ANK2: variants seen among roughly 807,000 people sequenced by gnomAD.
The protein encoded by ANK2 is ankyrin-2.
ANK2 carries 83 observed loss-of-function variants against 360.5 expected under a neutral mutation model. The ratio of observed to expected loss-of-function variants is 0.23; its 90% CI spans 0.19 to 0.28. The LOEUF is 0.28. Ranked by LOEUF, ANK2 falls within the 10% of genes least tolerant of loss-of-function variation. The pLI is 1.00. For synonymous variants in ANK2, 1,740 were observed against 1,759.5 expected (o/e 0.99, Z 0.28); for missense variants, 4,201 against 4,795.7 (o/e 0.88, Z 3.66).
chr4:113,084,025 G>A (rs895292323), intron 1 of ANK2, among the ~76,000 whole-genome samples: 1 of 152,108 alleles, frequency 6.6e-6, no homozygotes, highest in Non-Finnish European at 1.5e-5. Flanking sequence ...ATTGTTCGGG[G>A]ACTCAAGTTT....
chr4:113,059,298 T>A (rs145271793), intron 1 of ANK2, among the ~76,000 whole-genome samples: 141 of 152,278 alleles, frequency 9.3e-4, no homozygotes, highest in Non-Finnish European at 1.7e-3. Flanking sequence ...TTCTGTAAAG[T>A]TGACACAGTA....
intron 2 of ANK2, among the ~76,000 whole-genome samples, chr4:113,025,070 C>CT (rs1029502353): frequency 9.9e-5 from 15 of 151,254 alleles, no homozygotes; most frequent in African/African-American, 1.7e-4. Flanking sequence ...ACATGATCAT[C>CT]TTTTTTTTTC....
At chr4:113,141,871 C>G (rs935342487) in intron 1 of ANK2, among the ~76,000 whole-genome samples, 1 of 152,118 alleles carries the variant, frequency 6.6e-6, no homozygotes, top group African/African-American at 2.4e-5. Context: ...TCGCTTTTCT[C>G]TTATGATGGA....
At chr4:112,826,706 GC>G in intron 1 of ANK2, 1 of 846,560 alleles carries the variant, frequency 1.2e-6, no homozygotes, top group Non-Finnish European at 1.9e-6. Context: ...AGAAGACAAT[GC>G]CAGTGAACAC....
At chr4:113,180,339 T>C (rs1584080581) in intron 2 of ANK2, among the ~76,000 whole-genome samples, 1 of 152,346 alleles carries the variant, frequency 6.6e-6, no homozygotes, top group South Asian at 2.1e-4. Flanking sequence ...GTTTTAGGGT[T>C]GTTTTGATGA....
At chr4:112,796,468 A>ACACACC in the ANK2 span, among the ~76,000 whole-genome samples, 4 of 150,426 alleles carry the variant, frequency 2.7e-5, no homozygotes, top group Non-Finnish European at 5.9e-5. Context: ...ATATATATAC[A>ACACACC]CACACACACA....
intron 2 of ANK2, among the ~76,000 whole-genome samples, chr4:112,913,976 T>C (rs1418561852): frequency 6.6e-6 from 1 of 152,218 alleles, no homozygotes; most frequent in African/African-American, 2.4e-5. Context: ...CATCTATAAT[T>C]CTTACTTTCT....
intron 13 of ANK2, among the ~76,000 whole-genome samples, 174 bp from the exon 14 acceptor site, chr4:113,264,722 CA>C (rs11452087): frequency 8.1e-4 from 115 of 141,794 alleles, no homozygotes; most frequent in African/African-American, 1.3e-3. Flanking sequence ...AACTTTGTCT[CA>C]AAAAAAAAAA....
rs893538208 is a variant in ANK2, at chr4:113,382,327, T to C, written c.*856T>C. ...CATGGCTTAGGACTCCAACAGCCAC[T>C]CTGAGGGAGGGGAGAAGGGAGCAGA... On this transcript the variant is annotated 3_prime_UTR_variant, in exon 46 of 46. Coordinates refer to ENST00000357077, the MANE Select transcript of ANK2 (RefSeq NM_001148.6). 1 of 153,592 alleles carries C rather than the reference T, an allele frequency of 6.5e-6. No individual in the cohort carries two copies. Among genetic ancestry groups the C allele is most frequent in the Non-Finnish European group, 1.5e-5 (1 of 68,762 alleles). 9.5% of individuals were successfully genotyped at this position (153,592 alleles called of 1,614,324 possible).
At chr4:112,876,757 T>C (rs551940381) in intron 1 of ANK2, among the ~76,000 whole-genome samples, 2 of 152,240 alleles carry the variant, frequency 1.3e-5, no homozygotes, top group Admixed American at 6.5e-5. Context: ...ATTTTTATCA[T>C]TGCAAGGAAA....
intron 1 of ANK2, among the ~76,000 whole-genome samples, chr4:112,850,502 GTCTTTT>G (rs2064638814): frequency 1.8e-4 from 3 of 16,430 alleles, no homozygotes; most frequent in African/African-American, 8.3e-4. Flanking sequence ...TCCTGTGCTA[GTCTTTT>G]TTTTTTTTTT....
At chr4:112,802,622 A>G in the ANK2 span, among the ~76,000 whole-genome samples, 1 of 152,204 alleles carries the variant, frequency 6.6e-6, no homozygotes, top group Non-Finnish European at 1.5e-5. Context: ...GTTTTTGCAC[A>G]AAGCAACTTA....
intron 9 of ANK2, among the ~76,000 whole-genome samples, chr4:113,244,796 C>T (rs1423035451): frequency 3.3e-5 from 5 of 152,140 alleles, no homozygotes; most frequent in South Asian, 2.1e-4. Context: ...CCCCAGTGTG[C>T]GATGTTCCCC....
rs146030922 is a variant in ANK2 at position 113,076,302 on chromosome 4, G to A, written c.84+26490G>A. Among the ~76,000 whole-genome samples the A allele has an allele frequency of 4.6e-3, 698 of 152,344 alleles. 4 individuals are homozygous for A. The highest frequency in any genetic ancestry group is 7.8e-3 in the Non-Finnish European group (530 of 68,032). On this transcript the variant is annotated intron_variant, in intron 1 of 45. Transcript: ENST00000357077. ...ATCCTTGGCCGCATGTGGCCTGCGGGCCAAGGGTTGGACAAACTTGCTAAG... is the reference window on the plus strand; with the variant it reads ...ATCCTTGGCCGCATGTGGCCTGCGGACCAAGGGTTGGACAAACTTGCTAAG...
intron 2 of ANK2, among the ~76,000 whole-genome samples, chr4:113,180,786 T>C (rs1218563512): frequency 6.6e-6 from 1 of 152,208 alleles, no homozygotes; most frequent in African/African-American, 2.4e-5. Flanking sequence ...TGCAGTTTTC[T>C]AACCAGTTAA....
chr4:112,788,314 C>G, the ANK2 span: 94 of 1,565,402 alleles, frequency 6.0e-5, no homozygotes, highest in Middle Eastern at 2.3e-4. Context: ...CGAGACGTCC[C>G]AGTCTTGCCT....
chr4:113,307,825 A>G, intron 23 of ANK2, among the ~76,000 whole-genome samples: 1 of 152,184 alleles, frequency 6.6e-6, no homozygotes, highest in East Asian at 1.9e-4. Context: ...ATTGTACATA[A>G]AAAGCCTGCA....
chr4:113,289,892 T>C (rs1020834828), intron 20 of ANK2, among the ~76,000 whole-genome samples: 1 of 152,194 alleles, frequency 6.6e-6, no homozygotes, highest in Non-Finnish European at 1.5e-5. Context: ...AAGCCTTTTC[T>C]GATGAGCCAG....
At chr4:112,747,262 G>A in the ANK2 span, among the ~76,000 whole-genome samples, 1 of 152,166 alleles carries the variant, frequency 6.6e-6, no homozygotes, top group Non-Finnish European at 1.5e-5. Flanking sequence ...CTTAAGTCCA[G>A]GCCAGTGAGT....
Sources: gnomAD v4.1 joint callset for allele counts (sites outside exome capture counted in the v4.1 genomes callset) on GRCh38, gnomAD v4.1.1 for gene constraint, MANE v1.5 for transcripts, NCBI Gene and HGNC (gene_info 2026-07-23, HGNC 2026-07-21) for gene names.